Variants in FAM168A observed in about 807,000 individuals in gnomAD.
FAM168A encodes family with sequence similarity 168 member A.
FAM168A carries 3 observed loss-of-function variants against 28.5 expected under a neutral mutation model. The observed-to-expected ratio is 0.11, with a 90% confidence interval of 0.05 to 0.27. The LOEUF (loss-of-function observed/expected upper bound fraction) is 0.27. Ranked by LOEUF, FAM168A falls within the 10% of genes least tolerant of loss-of-function variation. FAM168A has a pLI of 1.00. For synonymous variants in FAM168A, 122 were observed against 124.2 expected (o/e 0.98, Z 0.12); for missense variants, 222 against 311.5 (o/e 0.71, Z 2.16).
intron 2 of FAM168A, among the ~76,000 whole-genome samples, chr11:73,459,071 C>T (rs1867592422): frequency 6.6e-6 from 1 of 151,858 alleles, no homozygotes; most frequent in African/African-American, 2.4e-5. Flanking sequence ...CCTGGAAAGT[C>T]AAACTTTGTT....
chr11:73,445,049 C>T (rs1169826951), intron 2 of FAM168A, among the ~76,000 whole-genome samples: 1 of 152,126 alleles, frequency 6.6e-6, no homozygotes, highest in Non-Finnish European at 1.5e-5. Flanking sequence ...CACCTGAGGT[C>T]GGGAGTTCAA....
intron 1 of FAM168A, among the ~76,000 whole-genome samples, chr11:73,475,128 A>G (rs908459350): frequency 1.3e-5 from 2 of 152,192 alleles, no homozygotes; most frequent in Non-Finnish European, 2.9e-5. Context: ...ATAACGAAAT[A>G]TATGACCATT....
At chr11:73,590,775 C>T (rs1565311229) in intron 1 of FAM168A, among the ~76,000 whole-genome samples, 1 of 152,164 alleles carries the variant, frequency 6.6e-6, no homozygotes, top group Non-Finnish European at 1.5e-5. Flanking sequence ...AGAACTGACA[C>T]ATATCTTTTT....
chr11:73,417,185 G>C (rs1207556342), intron 4 of FAM168A, among the ~76,000 whole-genome samples: 1 of 152,186 alleles, frequency 6.6e-6, no homozygotes, highest in Non-Finnish European at 1.5e-5. Flanking sequence ...CTAGAGAGGT[G>C]GTCCCTGTTG....
chr11:73,590,303 T>G (rs1379151522), intron 1 of FAM168A, among the ~76,000 whole-genome samples: 1 of 152,144 alleles, frequency 6.6e-6, no homozygotes, highest in Admixed American at 6.5e-5. Flanking sequence ...CTTAGGAGGC[T>G]GAGGATGGAG....
intron 1 of FAM168A, among the ~76,000 whole-genome samples, chr11:73,554,699 T>C (rs1943869374): frequency 6.6e-6 from 1 of 152,170 alleles, no homozygotes; most frequent in Admixed American, 6.5e-5. Context: ...CATATTATTT[T>C]TACACAAAAA....
intron 1 of FAM168A, among the ~76,000 whole-genome samples, chr11:73,488,300 T>C (rs1868082235): frequency 6.6e-6 from 1 of 151,910 alleles, no homozygotes; most frequent in Non-Finnish European, 1.5e-5. Context: ...TTGGCTAATG[T>C]TTGTATTTTT....
chr11:73,559,291 C>T (rs953925677), intron 1 of FAM168A, among the ~76,000 whole-genome samples: 1 of 152,038 alleles, frequency 6.6e-6, no homozygotes, highest in Admixed American at 6.6e-5. Flanking sequence ...CCTGTAATCC[C>T]AGTTACTCGG....
chr11:73,588,419 G>A (rs970056050), intron 1 of FAM168A, among the ~76,000 whole-genome samples: 2 of 152,092 alleles, frequency 1.3e-5, no homozygotes, highest in Non-Finnish European at 2.9e-5. Flanking sequence ...GGCCAGGTGC[G>A]GTGGCCCACA....
At chr11:73,502,015 G>A (rs936052843) in intron 1 of FAM168A, among the ~76,000 whole-genome samples, 10 of 151,580 alleles carry the variant, frequency 6.6e-5, no homozygotes, top group African/African-American at 1.5e-4. Context: ...GCAGGAGAAC[G>A]GCATGAACCC....
At chr11:73,428,679 G>A (rs1252415861) in intron 3 of FAM168A, among the ~76,000 whole-genome samples, 1 of 152,172 alleles carries the variant, frequency 6.6e-6, no homozygotes, top group Non-Finnish European at 1.5e-5. Flanking sequence ...TACCAAATTT[G>A]ATTATCAGAG....
rs545135605 is a variant in FAM168A at position 73,579,411 on chromosome 11, A to G, written c.-19+18512T>C. Reference sequence around the variant, plus strand: ...TATAAATGCCATTAATTCTCCACCTAATAGATGGAGAAAATAAGTTATAGA... The same window carrying G: ...TATAAATGCCATTAATTCTCCACCTGATAGATGGAGAAAATAAGTTATAGA... On this transcript the variant is annotated intron_variant, in intron 1 of 7. Coordinates refer to ENST00000356467, the MANE Select transcript of FAM168A (RefSeq NM_015159.3). 2.6e-5 allele frequency among the ~76,000 whole-genome samples: 4 copies of G among 152,346 alleles called. No individual in the cohort carries two copies. In the South Asian group the frequency reaches 8.3e-4, roughly 32 times the overall value.
At chr11:73,524,763 A>G (rs1483918888) in intron 1 of FAM168A, among the ~76,000 whole-genome samples, 1 of 151,804 alleles carries the variant, frequency 6.6e-6, no homozygotes, top group Non-Finnish European at 1.5e-5. Flanking sequence ...ATGCCTGCCT[A>G]ATTTTTTGTA....
At chr11:73,511,148 G>A (rs1156896255) in intron 1 of FAM168A, among the ~76,000 whole-genome samples, 1 of 151,832 alleles carries the variant, frequency 6.6e-6, no homozygotes, top group Admixed American at 6.6e-5. Flanking sequence ...CAGAGCCAAG[G>A]CCACATCTTG....
intron 2 of FAM168A, among the ~76,000 whole-genome samples, chr11:73,456,290 T>C (rs557959512): frequency 6.6e-6 from 1 of 152,260 alleles, no homozygotes; most frequent in South Asian, 2.1e-4. Flanking sequence ...AATTCAAAAC[T>C]CTCAGCATGG....
At chr11:73,466,199 C>G (rs1388049167) in intron 2 of FAM168A, among the ~76,000 whole-genome samples, 2 of 152,148 alleles carry the variant, frequency 1.3e-5, no homozygotes, top group African/African-American at 4.8e-5. Context: ...TGAGGCTACC[C>G]CAAAATGCTG....
chr11:73,407,391 C>T (rs1866525409), intron 7 of FAM168A, 122 bp downstream of exon 7: 2 of 565,422 alleles, frequency 3.5e-6, no homozygotes, highest in Admixed American at 4.2e-5. Flanking sequence ...AGGAAAGCAA[C>T]TGGTAACTTG....
At chr11:73,518,817 A>C (rs1193094458) in intron 1 of FAM168A, among the ~76,000 whole-genome samples, 1 of 152,094 alleles carries the variant, frequency 6.6e-6, no homozygotes, top group Non-Finnish European at 1.5e-5. Flanking sequence ...GAATTGCTTG[A>C]ACCCGGGAGG....
At chr11:73,533,185 C>T (rs7944346) in intron 1 of FAM168A, among the ~76,000 whole-genome samples, 34,788 of 152,004 alleles carry the variant, frequency 0.23, 6,969 homozygotes, top group African/African-American at 0.55. Context: ...GGGATAATCC[C>T]ACCTGCCCTA....
Sources: gnomAD v4.1 joint callset for allele counts (sites outside exome capture counted in the v4.1 genomes callset) on GRCh38, gnomAD v4.1.1 for gene constraint, MANE v1.5 for transcripts, NCBI Gene and HGNC (gene_info 2026-07-23, HGNC 2026-07-21) for gene names.